Variants in TAF15 observed in about 807,000 individuals in gnomAD.
The protein encoded by TAF15 is TATA-box binding protein associated factor 15, also known as TATA-binding protein-associated factor 2N.
Under a neutral mutation model 102.5 loss-of-function variants are expected in TAF15, and 37 were observed. The ratio of observed to expected loss-of-function variants is 0.36; its 90% CI spans 0.28 to 0.47. The LOEUF is 0.47. Ranked by LOEUF, TAF15 falls within the 20% of genes least tolerant of loss-of-function variation. The probability of loss-of-function intolerance (pLI) is 0.99; values close to 1 mark genes in which losing one functional copy is unlikely to be tolerated. For missense variants in TAF15, 652 were observed against 760.7 expected (o/e 0.86, Z 1.68); for synonymous variants, 273 against 259.2 (o/e 1.05, Z -0.51).
chr17:35,822,910 C>T (rs1483067288), intron 6 of TAF15, 77 bp downstream of exon 6: 1 of 1,549,476 alleles, frequency 6.5e-7, no homozygotes, highest in African/African-American at 1.4e-5. Flanking sequence ...AAAAGAACCA[C>T]AGAGGATTTC....
intron 1 of TAF15, chr17:35,809,988 T>G: frequency 3.0e-6 from 1 of 332,764 alleles, no homozygotes; most frequent in Non-Finnish European, 5.7e-6. Context: ...CTCGGGCCAG[T>G]CATCTCGCCG....
Position 35,828,777 on chromosome 17 carries a change from TAA to T in TAF15, c.605+4596_605+4597del, listed in dbSNP as rs11348556. 4.3e-3 allele frequency among the ~76,000 whole-genome samples: 585 copies of T among 136,452 alleles called. 5 individuals carry two copies. Among genetic ancestry groups the T allele is most frequent in the African/African-American group, 0.012 (433 of 37,404 alleles). The allele number at this position is 136,452 out of a possible 152,430, so 89.5% of individuals were successfully genotyped here. A position where few individuals can be genotyped will look rare whatever the true frequency, so the allele number is the denominator to read the frequency against. ...TCCGCCCCATACCTCTTCAAATGTT[TAA>T]AAAAAAAAAAAAAAAAGTACTGTAC... On this transcript the variant is annotated intron_variant, in intron 7 of 15. Coordinates refer to ENST00000605844, the MANE Select transcript of TAF15 (RefSeq NM_139215.3).
At chr17:35,817,808 T>C in intron 2 of TAF15, 53 bp downstream of exon 2, 1 of 1,507,468 alleles carries the variant, frequency 6.6e-7, no homozygotes, top group South Asian at 1.1e-5. Context: ...GAGGTGAATT[T>C]TGTCAAGCTT....
intron 8 of TAF15, 49 bp downstream of exon 8, chr17:35,833,990 C>G: frequency 6.3e-7 from 1 of 1,595,206 alleles, no homozygotes; most frequent in Non-Finnish European, 8.6e-7. Flanking sequence ...CTATATAAAT[C>G]TAAAAGCCAC....
Position 35,847,125 on chromosome 17 carries a change from C to A in TAF15, c.*180C>A. The A allele has an allele frequency of 1.4e-6, 1 of 691,790 alleles. No homozygotes were observed. Among genetic ancestry groups the A allele is most frequent in the Non-Finnish European group, 2.5e-6 (1 of 400,888 alleles). 42.9% of individuals were successfully genotyped at this position (691,790 alleles called of 1,614,324 possible). ...TAGAAATGTCTGTTGAGATTTCCCC[C>A]TTTAGTTTCCAACCTTCTCCCCAAC... On this transcript the variant is annotated 3_prime_UTR_variant, in exon 16 of 16. Transcript: ENST00000605844.
At chr17:35,818,212 C>CA (rs1166284614) in intron 2 of TAF15, among the ~76,000 whole-genome samples, 4 of 152,298 alleles carry the variant, frequency 2.6e-5, no homozygotes, top group Non-Finnish European at 5.9e-5. Context: ...TCTCTGGCCT[C>CA]AGCCTCCCGA....
rs200557877 is a variant in TAF15 at position 35,824,123 on chromosome 17, A to G, written c.530A>G (p.Tyr177Cys). ...VSRYGEDNRG[Y>C]GGSQGGGRGR... is the part of the protein sequence containing the mutation. Reference sequence around the variant, plus strand: ...AGGTATGGAGAAGATAATAGAGGATATGGCGGGTCACAGGGAGGAGGTAGA... The same window carrying G: ...AGGTATGGAGAAGATAATAGAGGATGTGGCGGGTCACAGGGAGGAGGTAGA... The change falls in exon 7 of 16, where the codon TAT becomes TGT. Residue 177 changes from tyrosine (Y) to cysteine (C), a missense_variant. Transcript: ENST00000605844. The G allele has an allele frequency of 2.6e-4, 412 of 1,614,002 alleles. No individual in the cohort carries two copies. Among genetic ancestry groups the G allele is most frequent in the Non-Finnish European group, 2.4e-4 (288 of 1,180,032 alleles).
chr17:35,817,583 TTTAAC>T (rs2087209952), intron 1 of TAF15, 128 bp from the exon 2 acceptor site: 2 of 770,006 alleles, frequency 2.6e-6, no homozygotes, highest in Non-Finnish European at 4.4e-6. Flanking sequence ...TTTCATAGTA[TTTAAC>T]TTGAGTTAGT....
chr17:35,833,940 TGG>T lies in TAF15; in HGVS notation c.640_640+1del. ...ACCGCGGTGGCTTCAAAAATTTTGG[TGG>T]TAAGTGCTGAGTATCCCAAAATGTT... On this transcript the variant is annotated splice_donor_variant and coding_sequence_variant, in exon 8 of 16. Transcript: ENST00000605844. LOFTEE classifies it high-confidence loss of function. 1 of 1,613,786 alleles carries T rather than the reference TGG, an allele frequency of 6.2e-7. No individual in the cohort carries two copies. Among genetic ancestry groups the T allele is most frequent in the Non-Finnish European group, 8.5e-7 (1 of 1,179,930 alleles).
intron 7 of TAF15, among the ~76,000 whole-genome samples, chr17:35,828,091 A>G (rs1390448129): frequency 1.3e-5 from 2 of 152,200 alleles, no homozygotes; most frequent in Non-Finnish European, 2.9e-5. Flanking sequence ...CATTATTAGT[A>G]TGCCATCAAA....
intron 2 of TAF15, among the ~76,000 whole-genome samples, chr17:35,819,084 C>T (rs972648693): frequency 6.6e-6 from 1 of 152,020 alleles, no homozygotes; most frequent in Non-Finnish European, 1.5e-5. Context: ...GTGTAAGATA[C>T]TCAGAATAGC....
At position 35,844,989 on chromosome 17, in the gene TAF15, G is replaced by T; in HGVS notation, c.1690G>T (p.Gly564Trp). ...SGGGYGGDRG[G>W]GYGGDRGGYG... Reference sequence around the variant, plus strand: ...TGGCGGCTATGGAGGAGACCGAGGTGGGGGCTACGGAGGAGACCGAGGTGG... The same window carrying T: ...TGGCGGCTATGGAGGAGACCGAGGTTGGGGCTACGGAGGAGACCGAGGTGG... Residue 564 changes from glycine to tryptophan, a missense_variant, in exon 15 of 16, where the codon GGG becomes TGG. This residue lies in a region of TAF15 where 368 missense variants were observed against 367.5 expected (regional missense o/e 1.00). Coordinates refer to ENST00000605844, the MANE Select transcript of TAF15 (RefSeq NM_139215.3). 1 of 1,612,190 alleles carries T rather than the reference G, an allele frequency of 6.2e-7. No individual in the cohort carries two copies. The highest frequency in any genetic ancestry group is 8.5e-7 in the Non-Finnish European group (1 of 1,178,688).
At chr17:35,817,858 A>G in intron 2 of TAF15, 103 bp downstream of exon 2, 2 of 1,005,472 alleles carry the variant, frequency 2.0e-6, no homozygotes, top group Non-Finnish European at 3.2e-6. Context: ...TAAGTTAAAT[A>G]TTAGCTTGTC....
In TAF15 at chr17:35,834,526, A is replaced by G. The variant is rs1037476212; in HGVS notation, c.641-40A>G. On this transcript the variant is annotated intron_variant, in intron 8 of 15. Transcript: ENST00000605844. ...TTTTTTTGTTAATGATTTTAAATAA[A>G]TTGCCTTAAATAGCTCTTTTTTCTT... 1.9e-6 allele frequency: 3 copies of G among 1,599,266 alleles called. No homozygotes were observed. In the African/African-American group the frequency reaches 4.0e-5, roughly 22 times the overall value.
In TAF15 at chr17:35,820,172, T is replaced by G; in HGVS notation, c.108T>G (p.Ser36=). 6.2e-7 allele frequency: 1 copy of G among 1,614,150 alleles called. No individual in the cohort carries two copies. Among genetic ancestry groups the G allele is most frequent in the Non-Finnish European group, 8.5e-7 (1 of 1,179,966 alleles). ...QGYGQASQSY[S]GYGQTTDSSY... is the part of the protein sequence containing the mutation. ...ATTTACCTAAATTTCAGAGCTATTC[T>G]GGCTATGGGCAAACGACTGATTCCT... The change falls in exon 4 of 16, where the codon TCT becomes TCG. Residue 36 remains serine, a synonymous_variant. Transcript: ENST00000605844.
At chr17:35,812,136 T>C (rs762850500) in intron 1 of TAF15, among the ~76,000 whole-genome samples, 2 of 152,166 alleles carry the variant, frequency 1.3e-5, no homozygotes, top group African/African-American at 4.8e-5. Context: ...TAATGTGTTA[T>C]GGAGTTAAAG....
rs545754879 is a variant in TAF15 at position 35,820,818 on chromosome 17, T to C, written c.290+381T>C. ...ATTAACTTTTCAGGGACAAAAATAT[T>C]TTTTAAAAGGGTCAAAACTTACGCA... On this transcript the variant is annotated intron_variant, in intron 5 of 15. Coordinates refer to ENST00000605844, the MANE Select transcript of TAF15 (RefSeq NM_139215.3). Among the ~76,000 whole-genome samples, 9 of 152,270 alleles carry C rather than the reference T, an allele frequency of 5.9e-5. 1 individual carries two copies. Among genetic ancestry groups the C allele is most frequent in the Admixed American group, 4.6e-4 (7 of 15,304 alleles).
chr17:35,813,330 G>A (rs1568240066), intron 1 of TAF15, among the ~76,000 whole-genome samples: 2 of 151,762 alleles, frequency 1.3e-5, no homozygotes, highest in Admixed American at 6.6e-5. Flanking sequence ...AATTCAGGGG[G>A]ATAAGATATG....
intron 2 of TAF15, among the ~76,000 whole-genome samples, chr17:35,819,600 A>G (rs1295066761): frequency 4.6e-5 from 7 of 152,214 alleles, no homozygotes; most frequent in African/African-American, 1.4e-4. Flanking sequence ...AAATGGTGGG[A>G]AAAAATTAAT....
Sources: allele counts gnomAD v4.1 joint callset (sites outside exome capture counted in the v4.1 genomes callset), GRCh38; gene constraint gnomAD v4.1.1; regional missense constraint gnomAD v4.1.1; transcripts MANE v1.5; gene names NCBI Gene and HGNC (gene_info 2026-07-23, HGNC 2026-07-21).